Variants in ASTN2 observed in about 807,000 individuals in gnomAD.
The protein encoded by ASTN2 is astrotactin 2.
ASTN2 carries 54 observed loss-of-function variants against 139.8 expected under a neutral mutation model. The ratio of observed to expected loss-of-function variants is 0.39; its 90% CI spans 0.31 to 0.48. The LOEUF (loss-of-function observed/expected upper bound fraction) is 0.48. Ranked by LOEUF, ASTN2 falls within the 20% of genes least tolerant of loss-of-function variation. ASTN2 has a pLI of 0.95. For synonymous variants in ASTN2, 756 were observed against 719.5 expected (o/e 1.05, Z -0.81); for missense variants, 1,565 against 1,725.1 (o/e 0.91, Z 1.64).
intron 19 of ASTN2, among the ~76,000 whole-genome samples, chr9:116,514,277 G>A (rs1056616407): frequency 1.4e-5 from 2 of 146,400 alleles, no homozygotes; most frequent in South Asian, 2.2e-4. Flanking sequence ...TCCAGACCCC[G>A]TTTGCCTGGG....
At position 117,217,104 on chromosome 9, in the gene ASTN2, C is replaced by T. The variant is rs555288608; in HGVS notation, c.631-2362G>A. 5.5e-4 allele frequency among the ~76,000 whole-genome samples: 84 copies of T among 152,136 alleles called. 1 individual carries two copies. Among genetic ancestry groups the T allele is most frequent in the South Asian group, 2.3e-3 (11 of 4,816 alleles). ...CTTGGTTACTGAACGGCAATTCTCA[C>T]TGACTAAAGAGAGGGAAGGGGAGGA... On this transcript the variant is annotated intron_variant, in intron 2 of 22. Transcript: ENST00000313400.
At chr9:116,836,387 T>C (rs1005949802) in intron 11 of ASTN2, among the ~76,000 whole-genome samples, 1 of 152,104 alleles carries the variant, frequency 6.6e-6, no homozygotes, top group Non-Finnish European at 1.5e-5. Context: ...GTGCTCACTA[T>C]CTATCATTGA....
chr9:117,041,740 G>C (rs1298755132), intron 5 of ASTN2, among the ~76,000 whole-genome samples: 1 of 152,110 alleles, frequency 6.6e-6, no homozygotes, highest in Non-Finnish European at 1.5e-5. Flanking sequence ...CTGTGCTCTG[G>C]CCTAAAGACT....
intron 2 of ASTN2, among the ~76,000 whole-genome samples, chr9:117,281,743 C>G (rs149291123): frequency 6.6e-6 from 1 of 152,274 alleles, no homozygotes; most frequent in East Asian, 1.9e-4. Context: ...CCTGCAGTCT[C>G]TGGATCTCCC....
chr9:116,480,691 A>G (rs889551668), intron 20 of ASTN2, among the ~76,000 whole-genome samples: 1 of 152,216 alleles, frequency 6.6e-6, no homozygotes, highest in Admixed American at 6.5e-5. Flanking sequence ...ACATCTAATC[A>G]TGGACCTGAA....
intron 2 of ASTN2, among the ~76,000 whole-genome samples, chr9:117,243,349 A>T (rs1833271801): frequency 6.6e-6 from 1 of 152,242 alleles, no homozygotes; most frequent in Non-Finnish European, 1.5e-5. Context: ...GAAACTGAGT[A>T]TCAAACAGGT....
intron 19 of ASTN2, among the ~76,000 whole-genome samples, chr9:116,489,252 T>C (rs2119091481): frequency 6.6e-6 from 1 of 152,320 alleles, no homozygotes; most frequent in East Asian, 1.9e-4. Context: ...AAGGAACTGG[T>C]TGAGCAGAAT....
chr9:117,200,996 C>CTTTTT (rs777675838), intron 3 of ASTN2, among the ~76,000 whole-genome samples: 3,089 of 94,568 alleles, frequency 0.033, 119 homozygotes, highest in East Asian at 0.05. Context: ...TGGTCCTGGG[C>CTTTTT]TTTTTTTTTT....
At chr9:116,603,718 G>C (rs916117018) in intron 19 of ASTN2, among the ~76,000 whole-genome samples, 1 of 152,196 alleles carries the variant, frequency 6.6e-6, no homozygotes, top group African/African-American at 2.4e-5. Flanking sequence ...TGAAAGGTAG[G>C]TACCAACCTA....
chr9:117,150,757 C>G (rs934086313), intron 3 of ASTN2, among the ~76,000 whole-genome samples: 2 of 152,112 alleles, frequency 1.3e-5, no homozygotes, highest in African/African-American at 2.4e-5. Flanking sequence ...TGCAGTGGTG[C>G]AGTCATATAG....
intron 6 of ASTN2, among the ~76,000 whole-genome samples, chr9:117,037,732 A>C (rs955536206): frequency 2.6e-5 from 4 of 152,176 alleles, no homozygotes; most frequent in Admixed American, 2.0e-4. Context: ...GGGTGGGGAC[A>C]TGCATTCTGT....
chr9:116,935,231 A>T (rs1312160114), intron 10 of ASTN2, among the ~76,000 whole-genome samples: 39 of 152,212 alleles, frequency 2.6e-4, no homozygotes, highest in Non-Finnish European at 8.8e-5. Context: ...CAATACATAG[A>T]GGATTTGAGG....
intron 7 of ASTN2, among the ~76,000 whole-genome samples, chr9:116,996,561 A>T (rs1837022109): frequency 6.6e-6 from 1 of 152,048 alleles, no homozygotes; most frequent in African/African-American, 2.4e-5. Flanking sequence ...AAGAAAGATA[A>T]GGAGGAGTGA....
chr9:116,804,722 TG>T (rs1830984341), intron 13 of ASTN2, among the ~76,000 whole-genome samples: 1 of 152,144 alleles, frequency 6.6e-6, no homozygotes, highest in Non-Finnish European at 1.5e-5. Context: ...ATTATAATGG[TG>T]ACTTATTACT....
chr9:116,753,426 T>A (rs558593743), intron 13 of ASTN2, among the ~76,000 whole-genome samples: 36 of 152,358 alleles, frequency 2.4e-4, no homozygotes, highest in African/African-American at 8.2e-4. Flanking sequence ...TTCTGTATGA[T>A]ACTATCATGG....
intron 19 of ASTN2, among the ~76,000 whole-genome samples, chr9:116,541,989 G>A (rs1267451645): frequency 1.3e-5 from 2 of 152,082 alleles, no homozygotes; most frequent in African/African-American, 4.8e-5. Flanking sequence ...TACTGGTATC[G>A]ACACAGTCAA....
At chr9:117,044,454 G>A (rs781483843) in intron 5 of ASTN2, among the ~76,000 whole-genome samples, 9 of 152,150 alleles carry the variant, frequency 5.9e-5, no homozygotes, top group African/African-American at 2.2e-4. Context: ...CATGGCAACC[G>A]GACCTGGCAG....
At chr9:117,207,652 A>T (rs1831976889) in intron 3 of ASTN2, among the ~76,000 whole-genome samples, 1 of 152,184 alleles carries the variant, frequency 6.6e-6, no homozygotes, top group Non-Finnish European at 1.5e-5. Context: ...TCTGAGCCTG[A>T]GAAACATCCC....
chr9:116,731,223 A>C (rs10983332), intron 14 of ASTN2, among the ~76,000 whole-genome samples: 6,429 of 127,424 alleles, frequency 0.05, 182 homozygotes, highest in East Asian at 0.11. Context: ...AATAATAATA[A>C]TAAATCTTTT....
Sources: gnomAD v4.1 joint callset for allele counts (sites outside exome capture counted in the v4.1 genomes callset) on GRCh38, gnomAD v4.1.1 for gene constraint, MANE v1.5 for transcripts, NCBI Gene and HGNC (gene_info 2026-07-23, HGNC 2026-07-21) for gene names.